The following AFG2A variants were observed in gnomAD, a reference collection of about 807,000 sequenced individuals.
The protein encoded by AFG2A is AAA ATPase AFG2A.
the AFG2A span, among the ~76,000 whole-genome samples, chr4:123,300,985 C>G: frequency 2.0e-5 from 3 of 152,052 alleles, no homozygotes; most frequent in Admixed American, 1.3e-4. Context: ...GTATTCTGGC[C>G]TAAGTCATCT....
the AFG2A span, among the ~76,000 whole-genome samples, chr4:123,177,858 A>G: frequency 0.098 from 14,887 of 152,138 alleles, 2,127 homozygotes; most frequent in African/African-American, 0.31. Flanking sequence ...AGATCAGCTC[A>G]TGCATTTGTG....
chr4:123,062,475 C>T, the AFG2A span, among the ~76,000 whole-genome samples: 2 of 151,714 alleles, frequency 1.3e-5, no homozygotes, highest in Non-Finnish European at 2.9e-5. Flanking sequence ...TAATAATGGC[C>T]AGTATTTCTG....
At chr4:123,183,147 T>C in the AFG2A span, among the ~76,000 whole-genome samples, 17 of 152,260 alleles carry the variant, frequency 1.1e-4, no homozygotes, top group Admixed American at 1.1e-3. Flanking sequence ...TACCATGGTT[T>C]TTAGAGTAAG....
the AFG2A span, among the ~76,000 whole-genome samples, chr4:123,132,039 C>CTG: frequency 6.6e-6 from 1 of 152,054 alleles, no homozygotes; most frequent in African/African-American, 2.4e-5. Context: ...TGATTGTGAT[C>CTG]TGTACTTCCC....
chr4:123,292,298 T>C, the AFG2A span, among the ~76,000 whole-genome samples: 1 of 152,174 alleles, frequency 6.6e-6, no homozygotes, highest in East Asian at 1.9e-4. Context: ...TTTATGTTGG[T>C]TTTCAATTTT....
chr4:123,082,530 T>TTC, the AFG2A span, among the ~76,000 whole-genome samples: 2 of 87,322 alleles, frequency 2.3e-5, no homozygotes, highest in Non-Finnish European at 5.7e-5. Flanking sequence ...TTTCTTTTTT[T>TTC]TTTTTTTTGG....
the AFG2A span, among the ~76,000 whole-genome samples, chr4:123,081,837 C>T: frequency 1.3e-5 from 2 of 152,198 alleles, no homozygotes; most frequent in East Asian, 3.9e-4. Flanking sequence ...TTTGGCCATT[C>T]TAGTGGGTGT....
At chr4:123,230,914 A>T in the AFG2A span, among the ~76,000 whole-genome samples, 4 of 152,148 alleles carry the variant, frequency 2.6e-5, no homozygotes, top group East Asian at 7.7e-4. Flanking sequence ...ATTTTATCTG[A>T]GTAGTAAGTT....
At chr4:123,083,451 T>C in the AFG2A span, among the ~76,000 whole-genome samples, 7 of 152,144 alleles carry the variant, frequency 4.6e-5, no homozygotes, top group Non-Finnish European at 1.0e-4. Context: ...AATTAATTGA[T>C]ATAATGTTAC....
chr4:123,171,099 G>T, the AFG2A span, among the ~76,000 whole-genome samples: 1 of 152,174 alleles, frequency 6.6e-6, no homozygotes, highest in Admixed American at 6.5e-5. Flanking sequence ...CCCTTTGCTA[G>T]CTGTGTGACC....
At chr4:123,101,095 A>G in the AFG2A span, among the ~76,000 whole-genome samples, 1 of 151,948 alleles carries the variant, frequency 6.6e-6, no homozygotes, top group Admixed American at 6.6e-5. Context: ...TAGCAAAGGC[A>G]CTATATATCT....
At chr4:123,307,140 C>G in the AFG2A span, among the ~76,000 whole-genome samples, 1 of 152,178 alleles carries the variant, frequency 6.6e-6, no homozygotes, top group Non-Finnish European at 1.5e-5. Context: ...CTGAATTCCC[C>G]CATCACTGAA....
At chr4:123,218,301 C>T in the AFG2A span, among the ~76,000 whole-genome samples, 1 of 152,080 alleles carries the variant, frequency 6.6e-6, no homozygotes, top group African/African-American at 2.4e-5. Context: ...GAGACTTTTG[C>T]TTTATTAAGG....
the AFG2A span, among the ~76,000 whole-genome samples, chr4:123,067,588 A>G: frequency 8.8e-6 from 1 of 113,854 alleles, no homozygotes; most frequent in South Asian, 3.3e-4. Flanking sequence ...TTGTTATGAT[A>G]TTTAAAATGT....
the AFG2A span, chr4:123,057,270 TAGC>T: frequency 1.9e-6 from 3 of 1,613,858 alleles, no homozygotes; most frequent in Non-Finnish European, 2.5e-6. Flanking sequence ...CTGGATGCCT[TAGC>T]AGTTGAAAGG....
chr4:122,926,281 T>C, the AFG2A span, among the ~76,000 whole-genome samples: 1 of 152,144 alleles, frequency 6.6e-6, no homozygotes, highest in South Asian at 2.1e-4. Flanking sequence ...GAGGGAAAGA[T>C]AGTTCATTGA....
the AFG2A span, among the ~76,000 whole-genome samples, chr4:123,201,240 C>T: frequency 6.6e-6 from 1 of 152,142 alleles, no homozygotes; most frequent in Non-Finnish European, 1.5e-5. Context: ...ATTCTAAATT[C>T]ATTCTATAGA....
chr4:123,243,709 C>T, the AFG2A span, among the ~76,000 whole-genome samples: 1 of 151,948 alleles, frequency 6.6e-6, no homozygotes. Context: ...AATAAACCTG[C>T]ACGTTGTGCA....
the AFG2A span, among the ~76,000 whole-genome samples, chr4:123,262,130 T>C: frequency 6.6e-6 from 1 of 152,096 alleles, no homozygotes; most frequent in Admixed American, 6.5e-5. Flanking sequence ...ACAGATTCTC[T>C]AGGGCAGAGA....
Sources: gnomAD v4.1 joint callset for allele counts (sites outside exome capture counted in the v4.1 genomes callset) on GRCh38, gnomAD v4.1.1 for gene constraint, MANE v1.5 for transcripts, NCBI Gene and HGNC (gene_info 2026-07-23, HGNC 2026-07-21) for gene names.